CPVL: variants seen among roughly 807,000 people sequenced by gnomAD.
CPVL encodes probable serine carboxypeptidase CPVL.
Under a neutral mutation model 63.7 loss-of-function variants are expected in CPVL, and 51 were observed. The ratio of observed to expected loss-of-function variants is 0.80; its 90% CI spans 0.64 to 1.01. The LOEUF (loss-of-function observed/expected upper bound fraction) is 1.01. CPVL is among the 50% of genes least tolerant of loss of function. CPVL has a pLI of 0.00. For missense variants in CPVL, 530 were observed against 573.1 expected (o/e 0.92, Z 0.77); for synonymous variants, 195 against 206.0 (o/e 0.95, Z 0.46).
intron 1 of CPVL, among the ~76,000 whole-genome samples, chr7:29,144,089 G>A (rs1195045639): frequency 6.6e-6 from 1 of 152,210 alleles, no homozygotes; most frequent in Admixed American, 6.5e-5. Context: ...TCTCTCACAA[G>A]TCAATATAGA....
intron 5 of CPVL, among the ~76,000 whole-genome samples, chr7:29,093,377 CAAAAAAA>C (rs371165878): frequency 7.1e-5 from 5 of 70,024 alleles, no homozygotes; most frequent in East Asian, 3.9e-4. Context: ...ACTCCGTCTC[CAAAAAAA>C]AAAAAAAAAA....
chr7:28,997,586 G>C (rs531878515), intron 12 of CPVL, among the ~76,000 whole-genome samples: 2 of 152,172 alleles, frequency 1.3e-5, no homozygotes, highest in Admixed American at 6.5e-5. Flanking sequence ...TGAGCATTGA[G>C]ATGACTGAGC....
intron 5 of CPVL, among the ~76,000 whole-genome samples, chr7:29,169,880 G>GTATA (rs61360748): frequency 4.9e-4 from 73 of 150,044 alleles, no homozygotes; most frequent in African/African-American, 1.7e-3. Flanking sequence ...GTGTGTGTGT[G>GTATA]TATATATATA....
intron 9 of CPVL, among the ~76,000 whole-genome samples, 184 bp from the exon 10 acceptor site, chr7:29,066,305 C>T (rs563291243): frequency 6.6e-6 from 1 of 152,306 alleles, no homozygotes; most frequent in African/African-American, 2.4e-5. Context: ...AAATGGCCAT[C>T]AACAAAACAG....
chr7:29,190,969 CTG>C (rs1366950092), intron 1 of CPVL, among the ~76,000 whole-genome samples: 1 of 151,928 alleles, frequency 6.6e-6, no homozygotes, highest in Non-Finnish European at 1.5e-5. Context: ...GGGCCTCACT[CTG>C]TCTCCCAGGC....
intron 3 of CPVL, among the ~76,000 whole-genome samples, chr7:29,099,208 T>C (rs1416308313): frequency 1.3e-5 from 2 of 152,206 alleles, no homozygotes; most frequent in Non-Finnish European, 2.9e-5. Context: ...AAATATTAGC[T>C]ATTGCTATAA....
At chr7:29,147,017 G>A (rs1178441539), upstream of CPVL, 3 of 1,548,532 alleles carry the variant, frequency 1.9e-6, no homozygotes, top group Non-Finnish European at 2.6e-6. Context: ...TCACTGCGCT[G>A]GAGTCTCAGA....
At chr7:29,117,387 A>G (rs1788877279) in intron 2 of CPVL, among the ~76,000 whole-genome samples, 1 of 152,216 alleles carries the variant, frequency 6.6e-6, no homozygotes, top group African/African-American at 2.4e-5. Context: ...CAGATGTATG[A>G]TACAGAAACA....
At chr7:28,996,194 G>A (rs1784040589) in intron 12 of CPVL, 1 of 248,552 alleles carries the variant, frequency 4.0e-6, no homozygotes, top group Non-Finnish European at 7.6e-6. Flanking sequence ...CCGCAGTTGA[G>A]AGTGCTGCAC....
intron 1 of CPVL, among the ~76,000 whole-genome samples, chr7:29,189,153 G>C (rs1799087047): frequency 6.6e-6 from 1 of 151,978 alleles, no homozygotes; most frequent in Admixed American, 6.6e-5. Flanking sequence ...GTTTCACCAT[G>C]TTGGCCAGGC....
At chr7:29,083,720 A>G (rs11767468) in intron 7 of CPVL, among the ~76,000 whole-genome samples, 40,988 of 152,046 alleles carry the variant, frequency 0.27, 6,342 homozygotes, top group East Asian at 0.61. Flanking sequence ...CGTTAAATCA[A>G]TCAATGCCCT....
intron 5 of CPVL, among the ~76,000 whole-genome samples, chr7:29,174,140 G>C (rs245910): frequency 0.67 from 102,143 of 151,776 alleles, 35,369 homozygotes; most frequent in East Asian, 0.99. Context: ...AGACCCCCCC[G>C]TTTGGTGGCA....
At chr7:29,000,836 C>T (rs1784559885) in intron 12 of CPVL, 1 of 152,286 alleles carries the variant, frequency 6.6e-6, no homozygotes, top group Admixed American at 6.5e-5. Flanking sequence ...TCAGTAATCA[C>T]TTCCCACTCC....
At chr7:29,157,188 T>G (rs1794493235) in intron 5 of CPVL, among the ~76,000 whole-genome samples, 1 of 152,142 alleles carries the variant, frequency 6.6e-6, no homozygotes, top group African/African-American at 2.4e-5. Flanking sequence ...ATCACCCACA[T>G]CAGCAGTTTA....
chr7:29,111,026 C>T (rs1788175282), intron 3 of CPVL, among the ~76,000 whole-genome samples: 2 of 152,216 alleles, frequency 1.3e-5, no homozygotes, highest in Admixed American at 1.3e-4. Context: ...CCAGAAGTAC[C>T]ACAACCCTAC....
intron 7 of CPVL, 38 bp from the exon 8 acceptor site, chr7:29,072,461 G>C (rs1443911002): frequency 2.5e-6 from 4 of 1,602,806 alleles, no homozygotes; most frequent in African/African-American, 2.7e-5. Context: ...AATCACAAAT[G>C]GATGCTAGTA....
chr7:29,109,077 A>C (rs1303614545), intron 3 of CPVL, among the ~76,000 whole-genome samples: 1 of 152,242 alleles, frequency 6.6e-6, no homozygotes, highest in Non-Finnish European at 1.5e-5. Context: ...GGATTAGATA[A>C]GAAAATGCAC....
chr7:29,109,328 A>G (rs1163923508), intron 3 of CPVL, among the ~76,000 whole-genome samples: 4 of 152,170 alleles, frequency 2.6e-5, no homozygotes, highest in South Asian at 2.1e-4. Flanking sequence ...CATCCCCCCA[A>G]AAAATACTCA....
chr7:29,008,407 G>T (rs1023502644), intron 12 of CPVL, among the ~76,000 whole-genome samples: 3 of 152,176 alleles, frequency 2.0e-5, no homozygotes, highest in African/African-American at 7.2e-5. Flanking sequence ...GATTGGTGAG[G>T]AAGGAGACTA....
Sources: gnomAD v4.1 joint callset for allele counts (sites outside exome capture counted in the v4.1 genomes callset) on GRCh38, gnomAD v4.1.1 for gene constraint, MANE v1.5 for transcripts, NCBI Gene and HGNC (gene_info 2026-07-23, HGNC 2026-07-21) for gene names.